Variants in GALNT18 observed in about 807,000 individuals in gnomAD.
GALNT18 encodes polypeptide N-acetylgalactosaminyltransferase 18.
In GALNT18, 44 loss-of-function variants were observed where a neutral mutation model predicts 69.5. The observed-to-expected ratio is 0.63, with a 90% CI of 0.50 to 0.81. GALNT18 has a LOEUF of 0.81. Ranked by LOEUF, GALNT18 falls within the 40% of genes least tolerant of loss-of-function variation. The pLI is 0.00. For synonymous variants in GALNT18, 364 were observed against 318.2 expected, an observed-to-expected ratio of 1.14 and a Z score of -1.53; for missense variants, 715 against 810.0, an observed-to-expected ratio of 0.88 and a Z score of 1.42.
At chr11:11,384,688 A>G (rs1298297583) in intron 3 of GALNT18, among the ~76,000 whole-genome samples, 1 of 152,182 alleles carries the variant, frequency 6.6e-6, no homozygotes, top group Non-Finnish European at 1.5e-5. Context: ...ATGAGATGTG[A>G]GCAGTCTGTG....
At chr11:11,327,823 C>CT (rs2133044639) in intron 8 of GALNT18, among the ~76,000 whole-genome samples, 1 of 152,326 alleles carries the variant, frequency 6.6e-6, no homozygotes, top group South Asian at 2.1e-4. Flanking sequence ...TTCAATGTTA[C>CT]TTTCTTGCTT....
intron 3 of GALNT18, among the ~76,000 whole-genome samples, chr11:11,422,510 C>T (rs1361389531): frequency 1.3e-5 from 2 of 152,234 alleles, no homozygotes; most frequent in South Asian, 2.1e-4. Context: ...GCTGTGTAAA[C>T]ACCTTTAAGC....
chr11:11,340,949 A>C lies in GALNT18; in HGVS notation c.1148T>G (p.Ile383Ser). 1 of 1,612,552 alleles carries C rather than the reference A, an allele frequency of 6.2e-7. No individual in the cohort carries two copies. The highest frequency in any genetic ancestry group is 8.5e-7 in the Non-Finnish European group (1 of 1,179,338). Residue 383 changes from isoleucine (I) to serine (S), a missense_variant, in exon 7 of 11, where the codon ATT becomes AGT. Ile to Ser is a moderately radical substitution (Grantham distance 142, BLOSUM62 -2). Coordinates refer to ENST00000227756, the MANE Select transcript of GALNT18 (RefSeq NM_198516.3). This position sits in a 1 kb window ranked among gnomAD's most constrained non-coding sequence, Gnocchi z 4.2. ...EVLPCSRIAH[I>S]ERAHKPYTED... The stretch of plus-strand genomic sequence containing the variant: ...TGTGTAGGGCTTGTGGGCTCGCTCA[A>C]TGTGGGCAATCCGTGAGCAGGGCAG...
chr11:11,557,038 C>G (rs1858348413), intron 1 of GALNT18, among the ~76,000 whole-genome samples: 1 of 152,144 alleles, frequency 6.6e-6, no homozygotes. Context: ...GGCCTTGGGT[C>G]TTTCCTAGAC....
Position 11,614,370 on chromosome 11 carries a change from AGGAGGAGGAGGAGGAGGAGGAGGAG to A in GALNT18, c.235+6964_235+6988del, listed in dbSNP as rs1411956470. On this transcript the variant is annotated intron_variant, in intron 1 of 10. Coordinates refer to ENST00000227756, the MANE Select transcript of GALNT18 (RefSeq NM_198516.3). This position sits in a 1 kb window ranked among gnomAD's most constrained non-coding sequence, Gnocchi z 5.6. ...TGAGGAGAAGAAGAAGAAGAGGAGG[AGGAGGAGGAGGAGGAGGAGGAGGAG>A]GGAGGAGGAGCAGCAAGGCTCTTTA... Among the ~76,000 whole-genome samples, 3 of 145,244 alleles carry A rather than the reference AGGAGGAGGAGGAGGAGGAGGAGGAG, an allele frequency of 2.1e-5. No individual in the cohort carries two copies. The highest frequency in any genetic ancestry group is 8.4e-5 in the African/African-American group (3 of 35,754).
chr11:11,319,495 A>T (rs931594815), intron 9 of GALNT18, among the ~76,000 whole-genome samples: 1 of 152,224 alleles, frequency 6.6e-6, no homozygotes, highest in Admixed American at 6.5e-5. Context: ...GGACACAGAC[A>T]CACACATGGA....
At chr11:11,473,273 G>A (rs913384332) in intron 1 of GALNT18, among the ~76,000 whole-genome samples, 4 of 152,170 alleles carry the variant, frequency 2.6e-5, no homozygotes, top group Non-Finnish European at 5.9e-5. Flanking sequence ...CAAGAGCTTT[G>A]GATGAGTGAA....
rs1343575211 is a variant in GALNT18 at position 11,480,256 on chromosome 11, C to A, written c.236-31320G>T. Among the ~76,000 whole-genome samples the A allele has an allele frequency of 6.6e-6, 1 of 152,018 alleles. No individual in the cohort carries two copies. Among genetic ancestry groups the A allele is most frequent in the Non-Finnish European group, 1.5e-5 (1 of 68,004 alleles). ...TCTTTCTTTCTTCCTTCCTTCCTCT[C>A]TCTCTCTCTTTCTCTCTCTCTCGCC... On this transcript the variant is annotated intron_variant, in intron 1 of 10. Coordinates refer to ENST00000227756, the MANE Select transcript of GALNT18 (RefSeq NM_198516.3). The surrounding 1 kb of genome is among the most constrained non-coding windows in gnomAD (Gnocchi z 4.6).
intron 3 of GALNT18, among the ~76,000 whole-genome samples, chr11:11,381,458 C>T (rs1853917821): frequency 6.6e-6 from 1 of 152,156 alleles, no homozygotes; most frequent in Admixed American, 6.5e-5. Context: ...CTGCCAATAC[C>T]TACCATGACT....
At position 11,271,059 on chromosome 11, in the gene GALNT18, C is replaced by T; in HGVS notation, c.*85G>A. On this transcript the variant is annotated 3_prime_UTR_variant, in exon 11 of 11. Transcript: ENST00000227756. ...GCCCACTAACCTGGTTCCCCAGACT[C>T]CAAACAACCCCACGTGGACAGCAGG... 1 of 1,347,080 alleles carries T rather than the reference C, an allele frequency of 7.4e-7. No homozygotes were observed. Among genetic ancestry groups the T allele is most frequent in the Non-Finnish European group, 1.0e-6 (1 of 988,540 alleles). 83.4% of individuals were successfully genotyped at this position (1,347,080 alleles called of 1,614,324 possible). A position where few individuals can be genotyped will look rare whatever the true frequency, so the allele number is the denominator to read the frequency against.
rs1850569173 is a variant in GALNT18 at position 11,358,143 on chromosome 11, C to A, written c.1092+14372G>T. On this transcript the variant is annotated intron_variant, in intron 6 of 10. Transcript: ENST00000227756. Reference sequence around the variant, plus strand: ...TTCAGAAATGGTCACATAGAGGGCACCTGATCCCATTGTCTTACCTCAAAG... The same window carrying A: ...TTCAGAAATGGTCACATAGAGGGCAACTGATCCCATTGTCTTACCTCAAAG... Among the ~76,000 whole-genome samples the A allele has an allele frequency of 1.4e-5, 2 of 142,468 alleles. 1 individual carries two copies. Among genetic ancestry groups the A allele is most frequent in the African/African-American group, 5.2e-5 (2 of 38,760 alleles). 93.5% of individuals were successfully genotyped at this position (142,468 alleles called of 152,430 possible). A position where few individuals can be genotyped will look rare whatever the true frequency, so the allele number is the denominator to read the frequency against.
In GALNT18 at chr11:11,439,147, A is replaced by G. The variant is rs1447861381; in HGVS notation, c.429-6360T>C. ...GGAGGGGTTGAATGTAGGAGATCCTAAGAAGATGATAAGTGAGGCGCAGGG... is the reference window on the plus strand; with the variant it reads ...GGAGGGGTTGAATGTAGGAGATCCTGAGAAGATGATAAGTGAGGCGCAGGG... On this transcript the variant is annotated intron_variant, in intron 2 of 10. Coordinates refer to ENST00000227756, the MANE Select transcript of GALNT18 (RefSeq NM_198516.3). This position sits in a 1 kb window ranked among gnomAD's most constrained non-coding sequence, Gnocchi z 4.4. Among the ~76,000 whole-genome samples, 1 of 152,196 alleles carries G rather than the reference A, an allele frequency of 6.6e-6. No homozygotes were observed. The highest frequency in any genetic ancestry group is 1.5e-5 in the Non-Finnish European group (1 of 68,032).
In GALNT18 at chr11:11,301,544, C is replaced by T. The variant is rs117342159; in HGVS notation, c.1513-8351G>A. Among the ~76,000 whole-genome samples, 1,233 of 152,320 alleles carry T rather than the reference C, an allele frequency of 8.1e-3. 27 individuals are homozygous for T. The highest frequency in any genetic ancestry group is 6.5e-3 in the Non-Finnish European group (444 of 68,030). ...GTGAGGAATGGGAAGCATTTATAAG[C>T]ACCATTCTCCATTAGTGTGACGACA... On this transcript the variant is annotated intron_variant, in intron 9 of 10. Transcript: ENST00000227756.
chr11:11,576,816 T>C (rs1372651586), intron 1 of GALNT18, among the ~76,000 whole-genome samples: 2 of 152,230 alleles, frequency 1.3e-5, no homozygotes, highest in African/African-American at 4.8e-5. Context: ...ACTTTTTTGT[T>C]TTTGCCCTCG....
intron 10 of GALNT18, among the ~76,000 whole-genome samples, chr11:11,281,999 A>G (rs1001970750): frequency 6.6e-6 from 1 of 152,072 alleles, no homozygotes; most frequent in Non-Finnish European, 1.5e-5. Flanking sequence ...CTGGGAACAC[A>G]TCTGGGATAT....
At chr11:11,574,156 T>TATCA (rs1858863729) in intron 1 of GALNT18, among the ~76,000 whole-genome samples, 1 of 152,214 alleles carries the variant, frequency 6.6e-6, no homozygotes, top group Admixed American at 6.5e-5. Flanking sequence ...TAAGAAGTTC[T>TATCA]ATCAGTACAT....
Position 11,297,981 on chromosome 11 carries a change from G to A in GALNT18, c.1513-4788C>T, listed in dbSNP as rs151004241. ...CATTTTCCTCTCCTCCAGGCCAGGG[G>A]TAGGAGCCATGACTGAGAGCTAACA... On this transcript the variant is annotated intron_variant, in intron 9 of 10. Transcript: ENST00000227756. 6.6e-3 allele frequency among the ~76,000 whole-genome samples: 1,010 copies of A among 152,348 alleles called. 2 individuals carry two copies. Among genetic ancestry groups the A allele is most frequent in the Non-Finnish European group, 0.01 (711 of 68,040 alleles).
chr11:11,494,318 T>A lies in GALNT18; in HGVS notation c.236-45382A>T, dbSNP rs1177129368. Among the ~76,000 whole-genome samples, 1 of 152,118 alleles carries A rather than the reference T, an allele frequency of 6.6e-6. No individual in the cohort carries two copies. ...CCTAAAAACTGGGTCCTTTCCCCAG[T>A]GCTTCCTGTCTAGGATCCCATGTGA... On this transcript the variant is annotated intron_variant, in intron 1 of 10. Transcript: ENST00000227756. The surrounding 1 kb of genome is among the most constrained non-coding windows in gnomAD (Gnocchi z 5.7).
intron 9 of GALNT18, among the ~76,000 whole-genome samples, chr11:11,303,830 G>T (rs1337082024): frequency 1.3e-5 from 2 of 152,210 alleles, no homozygotes; most frequent in Non-Finnish European, 2.9e-5. Flanking sequence ...TAGGCCATGA[G>T]GTCATCCCGG....
Sources: gnomAD v4.1 joint callset for allele counts (sites outside exome capture counted in the v4.1 genomes callset) on GRCh38, gnomAD v4.1.1 for gene constraint, Gnocchi (gnomAD v3.1) non-coding constraint, MANE v1.5 for transcripts, NCBI Gene and HGNC (gene_info 2026-07-23, HGNC 2026-07-21) for gene names.